The following GNA13 variants were observed in gnomAD, a reference collection of about 807,000 sequenced individuals.
The protein encoded by GNA13 is guanine nucleotide-binding protein subunit alpha-13.
Under a neutral mutation model 33.5 loss-of-function variants are expected in GNA13, and 4 were observed. The observed-to-expected ratio is 0.12, with a 90% CI of 0.06 to 0.27. The LOEUF is 0.27. Among genes scored for constraint, GNA13 ranks in the 10% least tolerant of loss-of-function variants. The pLI is 1.00. For missense variants in GNA13, 319 were observed against 487.2 expected (o/e 0.65, Z 3.25); for synonymous variants, 176 against 183.8 (o/e 0.96, Z 0.34).
intron 3 of GNA13, among the ~76,000 whole-genome samples, chr17:65,016,522 G>A (rs907121980): frequency 6.6e-6 from 1 of 152,096 alleles, no homozygotes; most frequent in East Asian, 1.9e-4. Flanking sequence ...CACCACGGCC[G>A]GCTACTTCTT....
intron 2 of GNA13, among the ~76,000 whole-genome samples, chr17:65,043,839 G>A (rs937349611): frequency 3.9e-5 from 6 of 152,160 alleles, no homozygotes; most frequent in African/African-American, 7.2e-5. Context: ...AAATCCTTTC[G>A]AGGCTGGGCA....
At chr17:65,034,179 G>C (rs71379912) in intron 2 of GNA13, among the ~76,000 whole-genome samples, 1 of 151,832 alleles carries the variant, frequency 6.6e-6, no homozygotes, top group African/African-American at 2.4e-5. Flanking sequence ...ATCTCACTTA[G>C]ATAAGTTATT....
intron 1 of GNA13, among the ~76,000 whole-genome samples, chr17:65,055,364 A>T (rs555484441): frequency 4.0e-4 from 61 of 152,342 alleles, no homozygotes; most frequent in African/African-American, 1.3e-3. Flanking sequence ...ACTTAAGAAC[A>T]AAGTTTAATT....
chr17:65,017,356 T>C (rs1435147152), intron 3 of GNA13, among the ~76,000 whole-genome samples: 1 of 152,202 alleles, frequency 6.6e-6, no homozygotes, highest in Non-Finnish European at 1.5e-5. Flanking sequence ...CTAAATAGTC[T>C]GGCAGAGCAG....
intron 1 of GNA13, 62 bp downstream of exon 1, chr17:65,056,249 G>GCCCCCCC: frequency 3.9e-6 from 3 of 774,822 alleles, no homozygotes; most frequent in East Asian, 4.2e-5. Context: ...GCCCCGCCCC[G>GCCCCCCC]CACCCGCCGC....
At chr17:65,018,092 TAAAAAAAA>T (rs767082596) in intron 3 of GNA13, among the ~76,000 whole-genome samples, 153 bp downstream of exon 3, 21 of 21,494 alleles carry the variant, frequency 9.8e-4, no homozygotes, top group East Asian at 1.8e-3. Context: ...ACGCCACCAC[TAAAAAAAA>T]AAAAAAAAAA....
intron 2 of GNA13, among the ~76,000 whole-genome samples, chr17:65,038,934 A>G (rs574125951): frequency 6.6e-6 from 1 of 152,344 alleles, no homozygotes; most frequent in South Asian, 2.1e-4. Context: ...GGGTACCTGA[A>G]GTACAGTTTC....
rs1365673357 is a variant in GNA13 at position 65,032,718 on chromosome 17, T to G, written c.511-14415A>C. Among the ~76,000 whole-genome samples the G allele has an allele frequency of 2.6e-5, 4 of 152,216 alleles. No individual in the cohort carries two copies. In the East Asian group the frequency reaches 7.7e-4, roughly 29 times the overall value. Reference sequence around the variant, plus strand: ...TGCCTTTCCAACATTTTCATTTTGCTTGGTTGTCACACGGGACCTATTCTA... The same window carrying G: ...TGCCTTTCCAACATTTTCATTTTGCGTGGTTGTCACACGGGACCTATTCTA... On this transcript the variant is annotated intron_variant, in intron 2 of 3. Transcript: ENST00000439174.
In GNA13 at chr17:65,050,111, G is replaced by A. The variant is rs571143346; in HGVS notation, c.510+3391C>T. 3.3e-5 allele frequency among the ~76,000 whole-genome samples: 5 copies of A among 152,298 alleles called. No individual in the cohort carries two copies. In the South Asian group the frequency reaches 8.3e-4, roughly 25 times the overall value. On this transcript the variant is annotated intron_variant, in intron 2 of 3. Coordinates refer to ENST00000439174, the MANE Select transcript of GNA13 (RefSeq NM_006572.6). Reference sequence around the variant, plus strand: ...AGCTGAGCTCTGTTCTGAAGACAATGGTGAGCCACCAAAGCTTTCTGAGCA... The same window carrying A: ...AGCTGAGCTCTGTTCTGAAGACAATAGTGAGCCACCAAAGCTTTCTGAGCA...
In GNA13 at chr17:65,011,202, T is replaced by C. The variant is rs898961374; in HGVS notation, c.*3055A>G. On this transcript the variant is annotated 3_prime_UTR_variant, in exon 4 of 4. Transcript: ENST00000439174. ...TGGTATTAAGGCGATCTTATTTCCT[T>C]CTACTTTAAACCAACCACTGCCACC... 2 of 202,092 alleles carry C rather than the reference T, an allele frequency of 9.9e-6. No individual in the cohort carries two copies. The highest frequency in any genetic ancestry group is 4.6e-5 in the African/African-American group (2 of 43,706). The allele number at this position is 202,092 out of a possible 1,614,324, so 12.5% of individuals were successfully genotyped here. A position where few individuals can be genotyped will look rare whatever the true frequency, so the allele number is the denominator to read the frequency against.
chr17:65,037,905 A>G (rs957097803), intron 2 of GNA13, among the ~76,000 whole-genome samples: 1 of 152,002 alleles, frequency 6.6e-6, no homozygotes, highest in African/African-American at 2.4e-5. Flanking sequence ...CAGACATTAA[A>G]TATCTCCTAG....
chr17:65,015,077 T>C (rs2143767031), intron 3 of GNA13, among the ~76,000 whole-genome samples: 1 of 152,026 alleles, frequency 6.6e-6, no homozygotes, highest in Non-Finnish European at 1.5e-5. Flanking sequence ...GAGAATATCC[T>C]GGGCAATATA....
At chr17:65,056,244 G>GCCCCCCCCCCCCCCCCCCCCCCCCCC in intron 1 of GNA13, 67 bp downstream of exon 1, 11 of 1,032,456 alleles carry the variant, frequency 1.1e-5, no homozygotes, top group Non-Finnish European at 1.4e-5. Flanking sequence ...GCGGTGCCCC[G>GCCCCCCCCCCCCCCCCCCCCCCCCCC]CCCCGCACCC....
At chr17:65,035,154 T>C (rs1183491255) in intron 2 of GNA13, among the ~76,000 whole-genome samples, 1 of 152,210 alleles carries the variant, frequency 6.6e-6, no homozygotes, top group Admixed American at 6.5e-5. Flanking sequence ...TCTGACATCA[T>C]ATATATTGCT....
intron 2 of GNA13, among the ~76,000 whole-genome samples, chr17:65,022,904 G>A (rs543596559): frequency 6.6e-6 from 1 of 152,194 alleles, no homozygotes; most frequent in Non-Finnish European, 1.5e-5. Flanking sequence ...GAGGACACTC[G>A]GAACAACCAT....
At position 65,012,880 on chromosome 17, in the gene GNA13, T is replaced by G; in HGVS notation, c.*1377A>C. On this transcript the variant is annotated 3_prime_UTR_variant, in exon 4 of 4. Transcript: ENST00000439174. Reference sequence around the variant, plus strand: ...CTGTTTCTCTAATTGTAGCACTACATACAGCCTAGAAGATAGTATTTCAGT... The same window carrying G: ...CTGTTTCTCTAATTGTAGCACTACAGACAGCCTAGAAGATAGTATTTCAGT... The G allele has an allele frequency of 4.5e-6, 1 of 220,896 alleles. No individual in the cohort carries two copies. Among genetic ancestry groups the G allele is most frequent in the East Asian group, 6.6e-5 (1 of 15,082 alleles). 13.7% of individuals were successfully genotyped at this position (220,896 alleles called of 1,614,324 possible). A position where few individuals can be genotyped will look rare whatever the true frequency, so the allele number is the denominator to read the frequency against.
rs561816859 is a variant in GNA13 at position 65,040,825 on chromosome 17, T to C, written c.510+12677A>G. Among the ~76,000 whole-genome samples, 12 of 152,284 alleles carry C rather than the reference T, an allele frequency of 7.9e-5. No homozygotes were observed. In the South Asian group the frequency reaches 1.0e-3, roughly 13 times the overall value. On this transcript the variant is annotated intron_variant, in intron 2 of 3. Transcript: ENST00000439174. ...GGTTTTTAAAAACCCGTTAGTTGAA[T>C]AGCAACTTTATCTGTCTAAAGTATA...
At chr17:65,025,492 C>T (rs1048400785) in intron 2 of GNA13, among the ~76,000 whole-genome samples, 1 of 152,136 alleles carries the variant, frequency 6.6e-6, no homozygotes, top group Non-Finnish European at 1.5e-5. Flanking sequence ...GGACCTGATA[C>T]TCCAGATGTA....
At chr17:65,031,872 GAGAGAGAGAGAGAGAGAGAGAGAA>G (rs1001281997) in intron 2 of GNA13, among the ~76,000 whole-genome samples, 2 of 113,880 alleles carry the variant, frequency 1.8e-5, no homozygotes, top group African/African-American at 3.3e-5. Context: ...AACATAGAGA[GAGAGAGAGAGAGAGAGAGAGAGAA>G]AGAGAGAGAG....
Sources: allele counts gnomAD v4.1 joint callset (sites outside exome capture counted in the v4.1 genomes callset), GRCh38; gene constraint gnomAD v4.1.1; transcripts MANE v1.5; gene names NCBI Gene and HGNC (gene_info 2026-07-23, HGNC 2026-07-21).